Variants in CACNA1C observed in about 807,000 individuals in gnomAD.
CACNA1C encodes the protein calcium voltage-gated channel subunit alpha1 C, also known as voltage-dependent L-type calcium channel subunit alpha-1C.
Under a neutral mutation model 229.0 loss-of-function variants are expected in CACNA1C, and 30 were observed. That is an observed-to-expected ratio of 0.13 (90% CI 0.10 to 0.18). CACNA1C has a LOEUF of 0.18. CACNA1C is among the 10% of genes least tolerant of loss of function. CACNA1C has a pLI of 1.00. For missense variants in CACNA1C, 1,658 were observed against 2,845.0 expected, an observed-to-expected ratio of 0.58 and a Z score of 9.49; for synonymous variants, 1,114 against 1,132.5, an observed-to-expected ratio of 0.98 and a Z score of 0.33.
intron 1 of CACNA1C, chr12:2,004,565 C>T (rs146644942): frequency 2.0e-5 from 26 of 1,303,138 alleles, no homozygotes; most frequent in Non-Finnish European, 2.5e-5. Context: ...CTCCAGTCAC[C>T]CCCACCCTCC....
intron 1 of CACNA1C, among the ~76,000 whole-genome samples, chr12:2,003,119 G>A (rs1414600430): frequency 1.3e-5 from 2 of 152,068 alleles, no homozygotes; most frequent in Non-Finnish European, 2.9e-5. Context: ...AGAACTTTGG[G>A]CAAAACTGTT....
chr12:2,123,531 G>A (rs1001602192), intron 3 of CACNA1C, among the ~76,000 whole-genome samples: 4 of 152,156 alleles, frequency 2.6e-5, no homozygotes, highest in East Asian at 1.9e-4. Flanking sequence ...GTGCCAGGAT[G>A]TCTTGCCAAT....
intron 1 of CACNA1C, among the ~76,000 whole-genome samples, chr12:2,094,788 G>A (rs982273983): frequency 1.3e-5 from 2 of 152,168 alleles, no homozygotes; most frequent in African/African-American, 2.4e-5. Context: ...AAATGTTGGG[G>A]GTTGTGAAAT....
Position 2,028,940 on chromosome 12 carries a change from A to G in CACNA1C, c.139+57739A>G, listed in dbSNP as rs564070568. On this transcript the variant is annotated intron_variant, in intron 1 of 46. Coordinates refer to the CACNA1C transcript ENST00000682462. ...TCCGTTAGATACTCTGTAGTGTGTC[A>G]GTCCTTCTGCCTTCTGTGTTTGGCG... 2.6e-5 allele frequency among the ~76,000 whole-genome samples: 4 copies of G among 152,342 alleles called. No homozygotes were observed. In the East Asian group the frequency reaches 7.7e-4, roughly 29 times the overall value.
chr12:2,554,234 C>T (rs978294247), intron 10 of CACNA1C, among the ~76,000 whole-genome samples: 6 of 152,116 alleles, frequency 3.9e-5, no homozygotes, highest in East Asian at 3.9e-4. Context: ...CTGAAAAGCA[C>T]GAAGGAAAAT....
chr12:2,670,895 A>C (rs1276221222), intron 38 of CACNA1C, among the ~76,000 whole-genome samples: 1 of 151,428 alleles, frequency 6.6e-6, no homozygotes, highest in African/African-American at 2.4e-5. Context: ...AAGTTCTGCT[A>C]CTAAATTAAA....
chr12:2,550,747 G>A, intron 10 of CACNA1C: 1 of 1,111,256 alleles, frequency 9.0e-7, no homozygotes, highest in Non-Finnish European at 1.2e-6. Flanking sequence ...GAATGATGGA[G>A]AGCCTGGGCA....
chr12:2,457,798 C>A (rs1179550247), intron 5 of CACNA1C, 92 bp downstream of exon 5: 3 of 1,147,744 alleles, frequency 2.6e-6, no homozygotes, highest in Non-Finnish European at 1.2e-6. Flanking sequence ...GCAAAGGGAC[C>A]TGATTCCATA....
intron 13 of CACNA1C, among the ~76,000 whole-genome samples, chr12:2,574,659 A>G (rs139094582): frequency 6.6e-6 from 1 of 152,154 alleles, no homozygotes; most frequent in Non-Finnish European, 1.5e-5. Context: ...AAATGTCTCC[A>G]TGTCCCTACC....
chr12:1,970,941 T>C, exon 1 of CACNA1C: 1 of 437,760 alleles, frequency 2.3e-6, no homozygotes, highest in Non-Finnish European at 3.8e-6. Flanking sequence ...TGTCAACTTT[T>C]GTGGCACTGA....
chr12:2,254,771 G>T (rs2076784126), intron 3 of CACNA1C, among the ~76,000 whole-genome samples: 1 of 152,206 alleles, frequency 6.6e-6, no homozygotes, highest in Non-Finnish European at 1.5e-5. Context: ...GATATATGTT[G>T]AGAAAGTGCC....
intron 8 of CACNA1C, among the ~76,000 whole-genome samples, chr12:2,511,176 G>A (rs185618151): frequency 6.6e-6 from 1 of 152,298 alleles, no homozygotes; most frequent in Admixed American, 6.5e-5. Context: ...CATCATTAAG[G>A]CAGCAGTTGA....
At chr12:2,252,295 G>A (rs1030435121) in intron 3 of CACNA1C, among the ~76,000 whole-genome samples, 2 of 152,130 alleles carry the variant, frequency 1.3e-5, no homozygotes, top group African/African-American at 4.8e-5. Context: ...TAAATAGTCC[G>A]CCTGAAAAAG....
intron 38 of CACNA1C, among the ~76,000 whole-genome samples, chr12:2,669,327 G>A (rs1201162769): frequency 2.5e-5 from 3 of 118,038 alleles, no homozygotes; most frequent in African/African-American, 8.8e-5. Context: ...ACTAACGATA[G>A]CTGATGAACT....
chr12:2,611,187 A>G (rs215997), intron 28 of CACNA1C, among the ~76,000 whole-genome samples: 10,492 of 94,870 alleles, frequency 0.11, 754 homozygotes, highest in East Asian at 0.22. Context: ...GGAGATGGAG[A>G]AGGGAGGGAT....
chr12:2,457,366 A>G (rs1596876356), intron 4 of CACNA1C, among the ~76,000 whole-genome samples: 1 of 152,154 alleles, frequency 6.6e-6, no homozygotes, highest in Non-Finnish European at 1.5e-5. Context: ...CCATGGTGGC[A>G]CCCTGGGCAT....
At chr12:2,179,795 G>A (rs1340834438) in intron 3 of CACNA1C, among the ~76,000 whole-genome samples, 2 of 152,150 alleles carry the variant, frequency 1.3e-5, no homozygotes, top group African/African-American at 2.4e-5. Flanking sequence ...CTTGCTCCAC[G>A]CTCATTGGAT....
Position 2,113,384 on chromosome 12 carries a change from G to T in CACNA1C, c.50-1840G>T, listed in dbSNP as rs730040. Reference sequence around the variant, plus strand: ...TTATCTTGGAGGTCAAACATAGAAGGATCAGCCCAAGATAAGAGTTGGGGA... The same window carrying T: ...TTATCTTGGAGGTCAAACATAGAAGTATCAGCCCAAGATAAGAGTTGGGGA... On this transcript the variant is annotated intron_variant, in intron 1 of 46. Transcript: ENST00000399655. Among the ~76,000 whole-genome samples, 1,089 of 152,284 alleles carry T rather than the reference G, an allele frequency of 7.2e-3. 15 individuals are homozygous for T. Among genetic ancestry groups the T allele is most frequent in the African/African-American group, 0.024 (1,006 of 41,564 alleles).
chr12:2,325,610 C>T (rs539749736), intron 3 of CACNA1C, among the ~76,000 whole-genome samples: 2 of 152,248 alleles, frequency 1.3e-5, no homozygotes, highest in African/African-American at 2.4e-5. Context: ...AGTGAAGTTA[C>T]GCACACAAAG....
Sources: allele counts gnomAD v4.1 joint callset (sites outside exome capture counted in the v4.1 genomes callset), GRCh38; gene constraint gnomAD v4.1.1; transcripts MANE v1.5; gene names NCBI Gene and HGNC (gene_info 2026-07-23, HGNC 2026-07-21).